Variants in MOGAT1 observed in about 807,000 individuals in gnomAD.
The protein encoded by MOGAT1 is monoacylglycerol O-acyltransferase 1.
A neutral mutation model predicts 31.4 loss-of-function variants in MOGAT1; 32 were observed. The observed-to-expected ratio is 1.02, with a 90% CI of 0.77 to 1.37. The LOEUF is 1.37. Ranked by LOEUF, MOGAT1 falls within the 40% of genes most tolerant of loss-of-function variation. The pLI is 0.00. For synonymous variants in MOGAT1, 145 were observed against 144.5 expected (o/e 1.00, Z -0.03); for missense variants, 426 against 402.0 (o/e 1.06, Z -0.51).
rs1019080270 is a variant in MOGAT1 at position 222,671,759 on chromosome 2, C to T, written c.-27C>T. On this transcript the variant is annotated 5_prime_UTR_variant, in exon 1 of 6. Coordinates refer to ENST00000446656, the MANE Select transcript of MOGAT1 (RefSeq NM_058165.3). The stretch of plus-strand genomic sequence containing the variant: ...GCAGCGTGGGTGCAGGCTGCAGTGG[C>T]TGGCGCCGTCCTCGCCCGGCCAGGC... 7.6e-5 allele frequency: 117 copies of T among 1,542,292 alleles called. No homozygotes were observed. The highest frequency in any genetic ancestry group is 1.0e-4 in the Non-Finnish European group (114 of 1,140,582).
intron 5 of MOGAT1, among the ~76,000 whole-genome samples, chr2:222,707,281 GGGAAGGAA>G (rs374278921): frequency 1.1e-4 from 16 of 142,648 alleles, no homozygotes; most frequent in East Asian, 4.1e-4. Flanking sequence ...GAAAGAAGGA[GGGAAGGAA>G]GGAAGGAAGG....
chr2:222,681,315 T>A (rs1268489652), intron 1 of MOGAT1, among the ~76,000 whole-genome samples: 1 of 152,180 alleles, frequency 6.6e-6, no homozygotes, highest in Non-Finnish European at 1.5e-5. Flanking sequence ...GGCTACAAAT[T>A]GAGGATTCAC....
chr2:222,696,710 G>T (rs917135849), intron 5 of MOGAT1, among the ~76,000 whole-genome samples: 2 of 152,138 alleles, frequency 1.3e-5, no homozygotes, highest in Non-Finnish European at 2.9e-5. Context: ...GGAGAATCCA[G>T]TTGAGGGAGG....
chr2:222,700,574 T>A (rs975928787), intron 5 of MOGAT1, among the ~76,000 whole-genome samples: 1 of 152,228 alleles, frequency 6.6e-6, no homozygotes, highest in Non-Finnish European at 1.5e-5. Flanking sequence ...ATATGTTTCA[T>A]AAAGACTGAC....
chr2:222,692,738 T>G (rs1692780942), intron 3 of MOGAT1, among the ~76,000 whole-genome samples: 2 of 142,478 alleles, frequency 1.4e-5, no homozygotes, highest in South Asian at 4.5e-4. Context: ...ACAAGAGAGA[T>G]AAGGAAGGAC....
intron 4 of MOGAT1, 96 bp from the exon 5 acceptor site, chr2:222,694,993 A>C: frequency 1.1e-6 from 1 of 948,238 alleles, no homozygotes; most frequent in South Asian, 2.2e-5. Flanking sequence ...ACATTTAAAA[A>C]ATTTTTCAGA....
At chr2:222,674,167 C>G (rs974261073) in intron 1 of MOGAT1, among the ~76,000 whole-genome samples, 5 of 152,216 alleles carry the variant, frequency 3.3e-5, no homozygotes, top group Non-Finnish European at 7.3e-5. Flanking sequence ...GAGGACATGG[C>G]AGATGCTCAA....
rs541880285 is a variant in MOGAT1 at position 222,690,728 on chromosome 2, TC to T, written c.478+1262del. ...AGGTTGTTTTCAAAGTCCAGCCTGG[TC>T]CCGAGGGCACACTAGAGGGCGCACT... On this transcript the variant is annotated intron_variant, in intron 3 of 5. Transcript: ENST00000446656. 5.0e-4 allele frequency among the ~76,000 whole-genome samples: 76 copies of T among 152,206 alleles called. No individual in the cohort carries two copies. In the South Asian group the frequency reaches 0.016, roughly 31 times the overall value.
chr2:222,695,608 A>T (rs1465889074), intron 5 of MOGAT1, among the ~76,000 whole-genome samples: 1 of 152,222 alleles, frequency 6.6e-6, no homozygotes, highest in Non-Finnish European at 1.5e-5. Flanking sequence ...CAATTCTTTG[A>T]TGACAAGTCA....
intron 1 of MOGAT1, among the ~76,000 whole-genome samples, chr2:222,682,490 G>T (rs766328549): frequency 3.9e-5 from 6 of 152,170 alleles, no homozygotes; most frequent in Non-Finnish European, 5.9e-5. Context: ...CTTGACTAAG[G>T]TGATGGAATG....
At chr2:222,679,821 G>A (rs1692551755) in intron 1 of MOGAT1, among the ~76,000 whole-genome samples, 1 of 152,222 alleles carries the variant, frequency 6.6e-6, no homozygotes. Flanking sequence ...CTTCAAGGAA[G>A]CAGGTAGATC....
chr2:222,685,336 C>T (rs888832840), intron 1 of MOGAT1, among the ~76,000 whole-genome samples: 1 of 152,056 alleles, frequency 6.6e-6, no homozygotes, highest in African/African-American at 2.4e-5. Context: ...TTATTTATTC[C>T]CTTTGTGGCA....
rs766774074 is a variant in MOGAT1, at chr2:222,695,143, T to G, written c.708T>G (p.Thr236=). The G allele has an allele frequency of 1.2e-6, 2 of 1,612,938 alleles. No individual in the cohort carries two copies. Among genetic ancestry groups the G allele is most frequent in the Admixed American group, 1.7e-5 (1 of 59,798 alleles). The change falls in exon 5 of 6, where the codon ACT becomes ACG. Residue 236 remains threonine, a synonymous_variant. Transcript: ENST00000446656. ...GTGAAAATGAACTGTTTAAACAAAC[T>G]GACAACCCTGAAGGATCATGGATTA... The part of the protein sequence containing the change: ...SFGENELFKQ[T]DNPEGSWIRT...
At chr2:222,694,641 A>T in intron 4 of MOGAT1, 105 bp downstream of exon 4, 4 of 1,098,832 alleles carry the variant, frequency 3.6e-6, no homozygotes, top group Non-Finnish European at 3.9e-6. Context: ...ACCTCCTCCA[A>T]ATCGATCTGA....
chr2:222,689,230 C>T, intron 2 of MOGAT1, 35 bp from the exon 3 acceptor site: 1 of 1,508,836 alleles, frequency 6.6e-7, no homozygotes, highest in South Asian at 1.3e-5. Context: ...AGGGAAGTTT[C>T]TTTTTTTTAA....
intron 5 of MOGAT1, among the ~76,000 whole-genome samples, chr2:222,703,473 A>G (rs1238016701): frequency 6.6e-6 from 1 of 151,860 alleles, no homozygotes; most frequent in African/African-American, 2.4e-5. Flanking sequence ...AAAGTGGCAT[A>G]TTTTAGGGTG....
chr2:222,671,853 A>T lies in MOGAT1; in HGVS notation c.68A>T (p.Gln23Leu). The T allele has an allele frequency of 6.4e-7, 1 of 1,552,172 alleles. No homozygotes were observed. Among genetic ancestry groups the T allele is most frequent in the Non-Finnish European group, 8.7e-7 (1 of 1,147,584 alleles). The part of the protein sequence containing the change: ...ARRLQTVAVL[Q>L]WVLKYLLLGP... ...CGGCTGCAGACGGTGGCCGTGCTGC[A>T]GTGGGTCCTGAAATACCTGCTGCTC... Residue 23 changes from glutamine (Q) to leucine (L), a missense_variant, in exon 1 of 6, where the codon CAG becomes CTG. Coordinates refer to ENST00000446656, the MANE Select transcript of MOGAT1 (RefSeq NM_058165.3).
chr2:222,693,056 C>A (rs1020867432), intron 3 of MOGAT1, among the ~76,000 whole-genome samples: 5 of 152,134 alleles, frequency 3.3e-5, no homozygotes, highest in Non-Finnish European at 7.4e-5. Flanking sequence ...ATAATAGAAA[C>A]CCAGAGTAAA....
At position 222,695,052 on chromosome 2, in the gene MOGAT1, CA is replaced by C. The variant is rs764607233; in HGVS notation, c.654-36del. ...CAGAATAAATTATTTGAATCCTTTT[CA>C]TTGAAAATTCTCACCCGTCCCCTTT... On this transcript the variant is annotated intron_variant, in intron 4 of 5. Coordinates refer to ENST00000446656, the MANE Select transcript of MOGAT1 (RefSeq NM_058165.3). The C allele has an allele frequency of 3.4e-6, 5 of 1,472,964 alleles. No individual in the cohort carries two copies. The Admixed American group carries it at 9.4e-5, about 28-fold the overall frequency. 91.2% of individuals were successfully genotyped at this position (1,472,964 alleles called of 1,614,324 possible).
Sources: allele counts gnomAD v4.1 joint callset (sites outside exome capture counted in the v4.1 genomes callset), GRCh38; gene constraint gnomAD v4.1.1; transcripts MANE v1.5; gene names NCBI Gene and HGNC (gene_info 2026-07-23, HGNC 2026-07-21).